CLOCK: variants seen among roughly 807,000 people sequenced by gnomAD.
CLOCK encodes clock circadian regulator, also known as circadian locomoter output cycles protein kaput.
CLOCK carries 43 observed loss-of-function variants against 118.4 expected under a neutral mutation model. The ratio of observed to expected loss-of-function variants is 0.36; its 90% CI spans 0.28 to 0.47. CLOCK has a LOEUF of 0.47. CLOCK is among the 20% of genes least tolerant of loss of function. The pLI is 1.00. For synonymous variants in CLOCK, 326 were observed against 339.2 expected (o/e 0.96, Z 0.43); for missense variants, 846 against 999.9 (o/e 0.85, Z 2.08).
rs753047693 is a variant in CLOCK, at chr4:55,448,880, T to TA, written c.1450-13dup. 258 of 1,596,024 alleles carry TA rather than the reference T, an allele frequency of 1.6e-4. 1 individual carries two copies. Among genetic ancestry groups the TA allele is most frequent in the Admixed American group, 3.7e-4 (22 of 59,918 alleles). On this transcript the variant is annotated splice_polypyrimidine_tract_variant and intron_variant, in intron 17 of 22. Transcript: ENST00000513440. ...TGGGAATTTATGGACTAGAGCAAAA[T>TA]AAAAAATAACACTGAAGTGATTCTC... is the stretch of plus-strand genomic sequence containing the variant.
In CLOCK at chr4:55,488,779, A is replaced by G. The variant is rs747016762; in HGVS notation, c.-44+595T>C. 2.0e-5 allele frequency among the ~76,000 whole-genome samples: 3 copies of G among 152,168 alleles called. 1 individual carries two copies. The highest frequency in any genetic ancestry group is 4.4e-5 in the Non-Finnish European group (3 of 68,036). On this transcript the variant is annotated intron_variant, in intron 3 of 22. Coordinates refer to ENST00000513440, the MANE Select transcript of CLOCK (RefSeq NM_004898.4). ...AAGACAAGGTCTCACTCTGTCTCCC[A>G]GGCTGGAATGCAGTGACACAATCAC...
intron 13 of CLOCK, among the ~76,000 whole-genome samples, chr4:55,454,109 T>TA (rs1273709615): frequency 6.6e-6 from 1 of 152,188 alleles, no homozygotes; most frequent in East Asian, 1.9e-4. Context: ...TCCTCCTGCC[T>TA]AGATATACAG....
At chr4:55,452,967 G>T in intron 15 of CLOCK, 87 bp downstream of exon 15, 1 of 925,396 alleles carries the variant, frequency 1.1e-6, no homozygotes, top group South Asian at 1.5e-5. Flanking sequence ...AAGTATTTTT[G>T]AAAAATAGTT....
chr4:55,476,157 C>T (rs557525188), intron 6 of CLOCK, 103 bp from the exon 7 acceptor site: 42 of 785,356 alleles, frequency 5.3e-5, no homozygotes, highest in African/African-American at 3.2e-4. Context: ...AAGATGACAA[C>T]CGTAGGCATT....
rs141826744 is a variant in CLOCK, at chr4:55,528,889, G to A, written c.-290+17893C>T. Among the ~76,000 whole-genome samples the A allele has an allele frequency of 6.6e-3, 998 of 152,298 alleles. 16 individuals are homozygous for A. The highest frequency in any genetic ancestry group is 0.022 in the African/African-American group (924 of 41,558). ...TTCTATATGGCAATTGGAAAGCTCC[G>A]AAGCCTAAAAACAGGTTCCCTGATC... is the stretch of plus-strand genomic sequence containing the variant. On this transcript the variant is annotated intron_variant, in intron 1 of 22. Coordinates refer to ENST00000513440, the MANE Select transcript of CLOCK (RefSeq NM_004898.4).
intron 3 of CLOCK, among the ~76,000 whole-genome samples, chr4:55,483,540 C>G (rs1003455595): frequency 6.6e-6 from 1 of 152,044 alleles, no homozygotes; most frequent in Non-Finnish European, 1.5e-5. Flanking sequence ...AAGGGCTCCA[C>G]GTGATAATGT....
At position 55,462,226 on chromosome 4, in the gene CLOCK, A is replaced by T. The variant is rs375395313; in HGVS notation, c.559+1459T>A. ...TTCTCCAGTCGATTTTATTCTTAGT[A>T]GGGTCTTCAAAGCAAACGCCTTCTC... On this transcript the variant is annotated intron_variant, in intron 9 of 22. Coordinates refer to ENST00000513440, the MANE Select transcript of CLOCK (RefSeq NM_004898.4). 5.3e-5 allele frequency among the ~76,000 whole-genome samples: 8 copies of T among 152,292 alleles called. No homozygotes were observed. In the South Asian group the frequency reaches 1.7e-3, roughly 32 times the overall value.
At chr4:55,485,144 T>C (rs571279119) in intron 3 of CLOCK, among the ~76,000 whole-genome samples, 2 of 152,164 alleles carry the variant, frequency 1.3e-5, no homozygotes, top group South Asian at 2.1e-4. Flanking sequence ...TATCTATTTT[T>C]AGTAGAGATG....
chr4:55,473,466 C>T (rs909830766), intron 7 of CLOCK, among the ~76,000 whole-genome samples: 16 of 152,140 alleles, frequency 1.1e-4, no homozygotes, highest in Admixed American at 8.5e-4. Context: ...CGTATGGTAA[C>T]ATTTCTGCTG....
chr4:55,518,914 T>G (rs1328627957), intron 1 of CLOCK, among the ~76,000 whole-genome samples: 1 of 152,224 alleles, frequency 6.6e-6, no homozygotes, highest in Admixed American at 6.5e-5. Flanking sequence ...AGATCATCAA[T>G]GAGTACCCTC....
chr4:55,473,110 A>T (rs1169899594), intron 7 of CLOCK, among the ~76,000 whole-genome samples: 1 of 152,132 alleles, frequency 6.6e-6, no homozygotes, highest in African/African-American at 2.4e-5. Context: ...CTGTAATCCC[A>T]GTTACTTGGG....
In CLOCK at chr4:55,438,393, T is replaced by C; in HGVS notation, c.2250A>G (p.Thr750=). ...TFATQQQQSQ[T]LSVTQQQQQQ... ...GCTGCTGCTGCTGCGTTACTGACAA[T>C]GTCTGTGACTGTTGCTGTTGTGTAG... The change falls in exon 22 of 23, where the codon ACA becomes ACG. Residue 750 remains threonine, a synonymous_variant. Transcript: ENST00000513440. 6.2e-7 allele frequency: 1 copy of C among 1,613,918 alleles called. No individual in the cohort carries two copies. The highest frequency in any genetic ancestry group is 2.2e-5 in the East Asian group (1 of 44,844).
In CLOCK at chr4:55,433,377, CATT is replaced by C. The variant is rs1560406815; in HGVS notation, c.*2035_*2037del. The C allele has an allele frequency of 6.6e-6, 1 of 152,570 alleles. No individual in the cohort carries two copies. The highest frequency in any genetic ancestry group is 6.5e-5 in the Admixed American group (1 of 15,272). 9.5% of individuals were successfully genotyped at this position (152,570 alleles called of 1,614,324 possible). A position where few individuals can be genotyped will look rare whatever the true frequency, so the allele number is the denominator to read the frequency against. On this transcript the variant is annotated 3_prime_UTR_variant, in exon 23 of 23. Coordinates refer to ENST00000513440, the MANE Select transcript of CLOCK (RefSeq NM_004898.4). ...TTTCTTTGGTTGTTTTCTTTTTCAA[CATT>C]AATGTTCAAAGTAATTGTAGCCAGG...
At chr4:55,437,632 A>G (rs1722988785) in intron 22 of CLOCK, among the ~76,000 whole-genome samples, 1 of 152,222 alleles carries the variant, frequency 6.6e-6, no homozygotes, top group African/African-American at 2.4e-5. Flanking sequence ...TACAAGCACT[A>G]TTAATCCATG....
rs958536060 is a variant in CLOCK at position 55,444,718 on chromosome 4, A to T, written c.1607T>A (p.Met536Lys). 1 of 1,614,094 alleles carries T rather than the reference A, an allele frequency of 6.2e-7. No homozygotes were observed. Among genetic ancestry groups the T allele is most frequent in the Non-Finnish European group, 8.5e-7 (1 of 1,180,010 alleles). ...LKDQLEQRTR[M>K]IEANIHRQQE... ...TTGCCGATGAATATTTGCTTCTATCATGCGTGTCCGTTGTTCCAATTGGTC... is the reference window on the plus strand; with the variant it reads ...TTGCCGATGAATATTTGCTTCTATCTTGCGTGTCCGTTGTTCCAATTGGTC... The change falls in exon 19 of 23, where the codon ATG becomes AAG. Residue 536 changes from methionine to lysine, a missense_variant. By Grantham distance (95) the Met-to-Lys change is moderately conservative. Transcript: ENST00000513440.
intron 1 of CLOCK, among the ~76,000 whole-genome samples, chr4:55,543,453 T>A (rs1047022274): frequency 6.6e-6 from 1 of 151,990 alleles, no homozygotes; most frequent in Non-Finnish European, 1.5e-5. Context: ...TATTTGCAAA[T>A]GCACAGAAAA....
At chr4:55,521,294 C>T (rs1729830660) in intron 1 of CLOCK, among the ~76,000 whole-genome samples, 1 of 152,208 alleles carries the variant, frequency 6.6e-6, no homozygotes, top group Non-Finnish European at 1.5e-5. Flanking sequence ...TCTCAGCTCA[C>T]TGCAACCCAC....
At chr4:55,469,110 T>TA (rs1725935758) in intron 8 of CLOCK, among the ~76,000 whole-genome samples, 1 of 151,370 alleles carries the variant, frequency 6.6e-6, no homozygotes, top group Non-Finnish European at 1.5e-5. Context: ...TTTAATGATT[T>TA]AGAGTATTCT....
Position 55,435,390 on chromosome 4 carries a change from G to C in CLOCK, c.*25C>G. 1 of 1,613,448 alleles carries C rather than the reference G, an allele frequency of 6.2e-7. No homozygotes were observed. Among genetic ancestry groups the C allele is most frequent in the Non-Finnish European group, 8.5e-7 (1 of 1,179,606 alleles). On this transcript the variant is annotated 3_prime_UTR_variant, in exon 23 of 23. Transcript: ENST00000513440. ...TAATGGGCCATCCCCTTCCTCCCTT[G>C]ATGTCAAGAGAGGAAGCACGTGTGC...
Sources: gnomAD v4.1 joint callset for allele counts (sites outside exome capture counted in the v4.1 genomes callset) on GRCh38, gnomAD v4.1.1 for gene constraint, MANE v1.5 for transcripts, NCBI Gene and HGNC (gene_info 2026-07-23, HGNC 2026-07-21) for gene names.